PEBP4: variants seen among roughly 807,000 people sequenced by gnomAD.
The protein encoded by PEBP4 is phosphatidylethanolamine-binding protein 4.
In PEBP4, 22 loss-of-function variants were observed where a neutral mutation model predicts 23.9. That is an observed-to-expected ratio of 0.92 (90% CI 0.66 to 1.31). The LOEUF is 1.31. PEBP4 is among the 40% of genes most tolerant of loss of function. The pLI, the probability that PEBP4 is intolerant of heterozygous loss-of-function variation, is 0.00. For synonymous variants in PEBP4, 112 were observed against 99.3 expected (o/e 1.13, Z -0.76); for missense variants, 324 against 281.7 (o/e 1.15, Z -1.07).
At chr8:22,851,417 A>G (rs1329784933) in intron 3 of PEBP4, among the ~76,000 whole-genome samples, 11 of 152,158 alleles carry the variant, frequency 7.2e-5, no homozygotes, top group African/African-American at 2.7e-4. Context: ...CCCTCAGTGA[A>G]GCCTACTTAA....
At chr8:22,929,501 T>G (rs1809421209), upstream of PEBP4, among the ~76,000 whole-genome samples, 1 of 152,244 alleles carries the variant, frequency 6.6e-6, no homozygotes, top group Non-Finnish European at 1.5e-5. Flanking sequence ...CAGTGGCGGT[T>G]CTTCCTTACT....
rs117285783 is a variant in PEBP4 at position 22,792,434 on chromosome 8, T to G, written c.357+25203A>C. 3.5e-3 allele frequency among the ~76,000 whole-genome samples: 529 copies of G among 152,164 alleles called. 4 individuals carry two copies. The highest frequency in any genetic ancestry group is 0.012 in the African/African-American group (491 of 41,490). The stretch of plus-strand genomic sequence containing the variant: ...TGGTGGGCCCCCTGCTTTGTGGCCT[T>G]AGATCTTTACCCTACAGTGGTATCG... On this transcript the variant is annotated intron_variant, in intron 4 of 6. Transcript: ENST00000256404.
At chr8:22,908,047 T>A (rs1328403503) in intron 3 of PEBP4, among the ~76,000 whole-genome samples, 1 of 149,908 alleles carries the variant, frequency 6.7e-6, no homozygotes, top group East Asian at 1.9e-4. Flanking sequence ...GACTCCAACA[T>A]GTCCAGCCTG....
upstream of PEBP4, among the ~76,000 whole-genome samples, chr8:22,929,839 G>C (rs542547597): frequency 6.6e-6 from 1 of 152,164 alleles, no homozygotes; most frequent in Non-Finnish European, 1.5e-5. Context: ...CTCTCAAGTA[G>C]CTGGGAGTAC....
intron 3 of PEBP4, among the ~76,000 whole-genome samples, chr8:22,854,008 T>C (rs1807594405): frequency 6.6e-6 from 1 of 151,988 alleles, no homozygotes; most frequent in Admixed American, 6.5e-5. Context: ...AAAAAGAAAT[T>C]CATATAAGAG....
At chr8:22,846,482 C>T (rs1315117186) in intron 3 of PEBP4, among the ~76,000 whole-genome samples, 2 of 152,142 alleles carry the variant, frequency 1.3e-5, no homozygotes, top group South Asian at 2.1e-4. Context: ...CAGGTTCCCT[C>T]GCCCCACCCT....
rs1563196266 is a variant in PEBP4 at position 22,728,548 on chromosome 8, CTTT to C, written c.358-1331_358-1329del. ...GGCTTGCTTCTTTCTTCCTTCCTTT[CTTT>C]CTTTCTTTCTTCCTTCCTTCCTTCC... On this transcript the variant is annotated intron_variant, in intron 4 of 6. Transcript: ENST00000256404. Among the ~76,000 whole-genome samples, 208 of 85,600 alleles carry C rather than the reference CTTT, an allele frequency of 2.4e-3. 4 individuals carry two copies. Among genetic ancestry groups the C allele is most frequent in the African/African-American group, 6.8e-3 (194 of 28,402 alleles). 56.2% of individuals were successfully genotyped at this position (85,600 alleles called of 152,430 possible).
At position 22,790,137 on chromosome 8, in the gene PEBP4, AT is replaced by A. The variant is rs1310787131; in HGVS notation, c.357+27499del. The stretch of plus-strand genomic sequence containing the variant: ...GCACCAGAGCTGTGGTCTTTATTTC[AT>A]ATGCCTGTTAACTTCCTTTTGTCAT... On this transcript the variant is annotated intron_variant, in intron 4 of 6. Transcript: ENST00000256404. Among the ~76,000 whole-genome samples, 3 of 152,282 alleles carry A rather than the reference AT, an allele frequency of 2.0e-5. No individual in the cohort carries two copies. In the East Asian group the frequency reaches 5.8e-4, roughly 29 times the overall value.
chr8:22,935,993 T>A (rs1585164202), intron 1 of PEBP4, among the ~76,000 whole-genome samples: 5 of 108,802 alleles, frequency 4.6e-5, no homozygotes, highest in Non-Finnish European at 5.7e-5. Context: ...ATCAACAACC[T>A]AAATTTACAC....
intron 3 of PEBP4, among the ~76,000 whole-genome samples, chr8:22,866,069 C>T (rs1197643737): frequency 6.6e-6 from 1 of 152,190 alleles, no homozygotes; most frequent in Admixed American, 6.5e-5. Context: ...AGAGACGAGC[C>T]CCAAGAAATC....
intron 4 of PEBP4, among the ~76,000 whole-genome samples, chr8:22,790,002 C>T (rs193145195): frequency 6.6e-6 from 1 of 152,292 alleles, no homozygotes; most frequent in African/African-American, 2.4e-5. Context: ...TCTTCTCTGG[C>T]CCCATGGCCC....
intron 2 of PEBP4, chr8:22,924,657 G>C: frequency 2.0e-6 from 2 of 985,350 alleles, no homozygotes; most frequent in Middle Eastern, 5.2e-4. Context: ...AGGACGCTTT[G>C]AGCAGCAGCT....
intron 4 of PEBP4, among the ~76,000 whole-genome samples, chr8:22,751,612 G>GTC (rs1476540928): frequency 1.3e-4 from 10 of 74,562 alleles, no homozygotes; most frequent in Admixed American, 1.0e-3. Flanking sequence ...GTGTGTGTCT[G>GTC]TGTGTGTGTG....
chr8:22,927,114 G>A (rs937181588), intron 2 of PEBP4, among the ~76,000 whole-genome samples: 3 of 152,166 alleles, frequency 2.0e-5, no homozygotes, highest in Non-Finnish European at 2.9e-5. Context: ...TCCCTAAAGG[G>A]CCCTGCACAA....
chr8:22,898,389 CCCAAAAAAAAAAAAAAAAAA>C lies in PEBP4; in HGVS notation c.258+21775_258+21794del, dbSNP rs1808634774. Among the ~76,000 whole-genome samples the C allele has an allele frequency of 3.6e-4, 31 of 86,636 alleles. 1 individual carries two copies. The highest frequency in any genetic ancestry group is 1.9e-3 in the East Asian group (4 of 2,142). The allele number at this position is 86,636 out of a possible 152,430, so 56.8% of individuals were successfully genotyped here. A position where few individuals can be genotyped will look rare whatever the true frequency, so the allele number is the denominator to read the frequency against. On this transcript the variant is annotated intron_variant, in intron 3 of 6. Coordinates refer to ENST00000256404, the MANE Select transcript of PEBP4 (RefSeq NM_144962.3). ...CCTGAGCGACAGAGGAAGACTCCAC[CCCAAAAAAAAAAAAAAAAAA>C]AAAAAAAAAAAAAAAAAAAAAACCC...
chr8:22,895,324 G>A (rs1808568633), intron 3 of PEBP4: 1 of 152,166 alleles, frequency 6.6e-6, no homozygotes, highest in African/African-American at 2.4e-5. Context: ...TACCTGGAGA[G>A]GCATAATAAT....
intron 2 of PEBP4, among the ~76,000 whole-genome samples, chr8:22,926,365 G>T (rs1439652356): frequency 6.6e-6 from 1 of 151,932 alleles, no homozygotes; most frequent in Non-Finnish European, 1.5e-5. Flanking sequence ...TTGTTGTTTA[G>T]GCAGGGTCTG....
At chr8:22,803,287 T>C (rs944612778) in intron 4 of PEBP4, among the ~76,000 whole-genome samples, 1 of 152,124 alleles carries the variant, frequency 6.6e-6, no homozygotes, top group Non-Finnish European at 1.5e-5. Flanking sequence ...TGGCTGCAAA[T>C]ATCACGTTCG....
In PEBP4 at chr8:22,775,126, C is replaced by A. The variant is rs1805789622; in HGVS notation, c.357+42511G>T. ...GCCTCTCTGGCATCAGTTTCCCCAC[C>A]TGTACCATAAGAGACGGGCCCCAAG... On this transcript the variant is annotated intron_variant, in intron 4 of 6. Transcript: ENST00000256404. This position sits in a 1 kb window ranked among gnomAD's most constrained non-coding sequence, Gnocchi z 4.8. Among the ~76,000 whole-genome samples the A allele has an allele frequency of 6.6e-6, 1 of 152,238 alleles. No homozygotes were observed. The highest frequency in any genetic ancestry group is 1.5e-5 in the Non-Finnish European group (1 of 68,046).
Sources: allele counts gnomAD v4.1 joint callset (sites outside exome capture counted in the v4.1 genomes callset), GRCh38; gene constraint gnomAD v4.1.1; non-coding constraint Gnocchi (gnomAD v3.1); transcripts MANE v1.5; gene names NCBI Gene and HGNC (gene_info 2026-07-23, HGNC 2026-07-21).